KIF20B: variants seen among roughly 807,000 people sequenced by gnomAD.
KIF20B encodes kinesin family member 20B.
In KIF20B, 188 loss-of-function variants were observed where a neutral mutation model predicts 232.5. The ratio of observed to expected loss-of-function variants is 0.81; its 90% confidence interval spans 0.72 to 0.91. The LOEUF is 0.91. Among genes scored for constraint, KIF20B ranks in the 40% least tolerant of loss-of-function variants. The pLI, the probability that KIF20B is intolerant of heterozygous loss-of-function variation, is 0.00. For synonymous variants in KIF20B, 712 were observed against 683.0 expected (o/e 1.04, Z -0.66); for missense variants, 2,154 against 2,055.9 (o/e 1.05, Z -0.92).
Position 89,758,690 on chromosome 10 carries a change from T to C in KIF20B, c.4504-16T>C, listed in dbSNP as rs897368160. 2.0e-6 allele frequency: 3 copies of C among 1,534,266 alleles called. No individual in the cohort carries two copies. The highest frequency in any genetic ancestry group is 2.6e-6 in the Non-Finnish European group (3 of 1,142,070). ...TATCAAGGTTGATTTTAATATTTTCTTTATTTCCTGATTAGGAAATACTGA... is the reference window on the plus strand; with the variant it reads ...TATCAAGGTTGATTTTAATATTTTCCTTATTTCCTGATTAGGAAATACTGA... On this transcript the variant is annotated splice_polypyrimidine_tract_variant and intron_variant, in intron 26 of 32. Transcript: ENST00000371728.
chr10:89,716,387 A>G, intron 8 of KIF20B, 49 bp from the exon 9 acceptor site: 1 of 792,488 alleles, frequency 1.3e-6, no homozygotes, highest in Non-Finnish European at 2.0e-6. Flanking sequence ...ATTGTAGAAC[A>G]CATTCTTTGT....
chr10:89,712,655 T>C (rs1842857761), intron 6 of KIF20B, among the ~76,000 whole-genome samples: 1 of 152,204 alleles, frequency 6.6e-6, no homozygotes, highest in Non-Finnish European at 1.5e-5. Flanking sequence ...GGTACTGCCC[T>C]CATGGAGACT....
At chr10:89,713,084 G>C (rs1842865566) in intron 6 of KIF20B, among the ~76,000 whole-genome samples, 1 of 152,094 alleles carries the variant, frequency 6.6e-6, no homozygotes, top group Non-Finnish European at 1.5e-5. Context: ...TTTTCACTGG[G>C]CATGGTGGTT....
At position 89,738,286 on chromosome 10, in the gene KIF20B, C is replaced by T. The variant is rs761478881; in HGVS notation, c.3445C>T (p.Leu1149Phe). 7 of 1,611,056 alleles carry T rather than the reference C, an allele frequency of 4.3e-6. No individual in the cohort carries two copies. The South Asian group carries it at 7.8e-5, about 18-fold the overall frequency. The change falls in exon 20 of 33, where the codon CTT (leucine) becomes TTT (phenylalanine). Residue 1149 changes from leucine to phenylalanine, a missense_variant. Coordinates refer to ENST00000371728, the MANE Select transcript of KIF20B (RefSeq NM_001284259.2). ...IQHVVEGKRA[L>F]SELTQGVTCY... ...GCATGTAGTTGAAGGAAAGAGAGCG[C>T]TTTCAGAACTTACACAAGGTGTTAC...
Position 89,751,348 on chromosome 10 carries a change from C to G in KIF20B, c.4099C>G (p.Leu1367Val). The G allele has an allele frequency of 6.3e-7, 1 of 1,594,306 alleles. No homozygotes were observed. The highest frequency in any genetic ancestry group is 8.5e-7 in the Non-Finnish European group (1 of 1,172,350). Residue 1367 changes from leucine to valine, a missense_variant and splice_region_variant, in exon 24 of 33, where the codon CTA becomes GTA. Coordinates refer to ENST00000371728, the MANE Select transcript of KIF20B (RefSeq NM_001284259.2). ...IQQYERACKD[L>V]NVKEKIIEDM... is the part of the protein sequence containing the mutation. ...AAATGTTCTCCCCCGATTTTTAGAT[C>G]TAAATGTTAAAGAGAAAATAATTGA...
chr10:89,725,040 G>A lies in KIF20B; in HGVS notation c.1883G>A (p.Arg628Gln), dbSNP rs758155614. 2.2e-5 allele frequency: 36 copies of A among 1,613,434 alleles called. No individual in the cohort carries two copies. The highest frequency in any genetic ancestry group is 1.0e-4 in the Admixed American group (6 of 59,964). ...TGAAGGGAGACTCTGCTTCAAGAAC[G>A]AGAGATATTAGAAGAAAATGCTGAA... ...ADFKETLLQE[R>Q]EILEENAERR... The change falls in exon 15 of 33, where the codon CGA becomes CAA. Residue 628 changes from arginine to glutamine, a missense_variant. Physicochemically the swap from Arg to Gln is conservative, Grantham distance 43. Coordinates refer to ENST00000371728, the MANE Select transcript of KIF20B (RefSeq NM_001284259.2).
intron 29 of KIF20B, among the ~76,000 whole-genome samples, chr10:89,763,455 G>A (rs1000322995): frequency 6.6e-6 from 1 of 152,224 alleles, no homozygotes; most frequent in Non-Finnish European, 1.5e-5. Context: ...TCCCTGTATT[G>A]GAAGAGAAAA....
intron 29 of KIF20B, among the ~76,000 whole-genome samples, chr10:89,766,078 A>G: frequency 6.6e-6 from 1 of 152,230 alleles, no homozygotes; most frequent in African/African-American, 2.4e-5. Flanking sequence ...GTTCTCCTGG[A>G]TAATATCCTG....
In KIF20B at chr10:89,722,969, G is replaced by T. The variant is rs1026893844; in HGVS notation, c.1723-995G>T. On this transcript the variant is annotated intron_variant, in intron 13 of 32. Transcript: ENST00000371728. ...ATTAATATAGGTTATCATTGATTACGGTAGTTTATGGTAGTACCATAATTA... is the reference window on the plus strand; with the variant it reads ...ATTAATATAGGTTATCATTGATTACTGTAGTTTATGGTAGTACCATAATTA... 2.0e-5 allele frequency among the ~76,000 whole-genome samples: 3 copies of T among 151,996 alleles called. No individual in the cohort carries two copies. In the East Asian group the frequency reaches 5.8e-4, roughly 29 times the overall value.
intron 24 of KIF20B, 88 bp downstream of exon 24, chr10:89,751,559 G>A (rs1486345244): frequency 3.8e-5 from 46 of 1,198,336 alleles, no homozygotes; most frequent in Middle Eastern, 4.0e-4. Flanking sequence ...AAAGTAGTAC[G>A]TATTTTCAGT....
At position 89,768,868 on chromosome 10, in the gene KIF20B, C is replaced by T. The variant is rs1188158080; in HGVS notation, c.5222C>T (p.Pro1741Leu). ...QKFGDFLQHS[P>L]SILQSKAKKI... The stretch of plus-strand genomic sequence containing the variant: ...TTTGGAGACTTCTTACAACATTCTC[C>T]CTCAATTCTTCAATCAAAAGGTTTG... Residue 1741 changes from proline (P) to leucine (L), a missense_variant, in exon 31 of 33, where the codon CCC becomes CTC. By Grantham distance (98) the Pro-to-Leu change is moderately conservative. Coordinates refer to ENST00000371728, the MANE Select transcript of KIF20B (RefSeq NM_001284259.2). 4.4e-6 allele frequency: 7 copies of T among 1,594,160 alleles called. No individual in the cohort carries two copies. The highest frequency in any genetic ancestry group is 1.8e-5 in the Admixed American group (1 of 54,620).
At chr10:89,730,284 A>C (rs922757962) in intron 18 of KIF20B, among the ~76,000 whole-genome samples, 2 of 152,186 alleles carry the variant, frequency 1.3e-5, no homozygotes, top group Admixed American at 6.5e-5. Flanking sequence ...AGTAATAATT[A>C]GTATTTAATA....
intron 19 of KIF20B, 88 bp from the exon 20 acceptor site, chr10:89,737,299 T>G: frequency 5.5e-6 from 7 of 1,265,312 alleles, no homozygotes; most frequent in Non-Finnish European, 7.2e-6. Flanking sequence ...CTTTTACATG[T>G]TTTGTATGTT....
chr10:89,735,633 G>A (rs906319169), intron 19 of KIF20B, among the ~76,000 whole-genome samples: 4 of 148,968 alleles, frequency 2.7e-5, no homozygotes, highest in Admixed American at 2.1e-4. Context: ...CGTCTCCTGG[G>A]TTCAAGCCAT....
At chr10:89,714,104 TA>T in intron 7 of KIF20B, 21 bp downstream of exon 7, 1 of 1,337,418 alleles carries the variant, frequency 7.5e-7, no homozygotes, top group Non-Finnish European at 1.0e-6. Context: ...GTTGCTCACT[TA>T]TCTTTGATGT....
In KIF20B at chr10:89,762,695, C is replaced by T. The variant is rs1159808784; in HGVS notation, c.4849C>T (p.Arg1617Ter). 8 of 1,613,456 alleles carry T rather than the reference C, an allele frequency of 5.0e-6. No individual in the cohort carries two copies. Among genetic ancestry groups the T allele is most frequent in the East Asian group, 2.2e-5 (1 of 44,862 alleles). Residue 1617 changes from arginine (R) to a stop codon, truncating the protein, a stop_gained, in exon 29 of 33, where the codon CGA becomes TGA. Coordinates refer to ENST00000371728, the MANE Select transcript of KIF20B (RefSeq NM_001284259.2). LOFTEE classifies it high-confidence loss of function. ...GTCAACAGAAAATGATCAAAGCACT[C>T]GATTTCCAAAACCTGAGTTAGAGAT... ...EVSTENDQST[R>*]FPKPELEIQF...
intron 26 of KIF20B, among the ~76,000 whole-genome samples, chr10:89,755,154 T>C (rs1842094684): frequency 2.0e-5 from 3 of 152,240 alleles, no homozygotes; most frequent in Admixed American, 2.0e-4. Context: ...GCACTTAGTC[T>C]GACATGCCAT....
At chr10:89,759,194 C>T (rs936657536) in intron 27 of KIF20B, among the ~76,000 whole-genome samples, 9 of 151,758 alleles carry the variant, frequency 5.9e-5, no homozygotes, top group Non-Finnish European at 4.4e-5. Flanking sequence ...CCCCAGTCTG[C>T]GTTTAAAATA....
Position 89,774,032 on chromosome 10 carries a change from CA to C in KIF20B, c.5452del (p.Thr1818GlnfsTer47). ...DHQIIKRRLR[T>X]KTAK ...CAGATTATCAAACGACGACTTCGAACAAAAACAGCCAAATAAATCACTTATG... is the reference window on the plus strand; with the variant it reads ...CAGATTATCAAACGACGACTTCGAACAAAACAGCCAAATAAATCACTTATG... On this transcript the variant is annotated frameshift_variant, in exon 33 of 33. Transcript: ENST00000371728. LOFTEE classifies it high-confidence loss of function. 2.5e-6 allele frequency: 4 copies of C among 1,579,390 alleles called. No individual in the cohort carries two copies. The highest frequency in any genetic ancestry group is 2.4e-5 in the South Asian group (2 of 84,022).
Sources: allele counts gnomAD v4.1 joint callset (sites outside exome capture counted in the v4.1 genomes callset), GRCh38; gene constraint gnomAD v4.1.1; transcripts MANE v1.5; gene names NCBI Gene and HGNC (gene_info 2026-07-23, HGNC 2026-07-21).